Variants in GNAL observed in about 807,000 individuals in gnomAD.
GNAL encodes the protein G protein subunit alpha L, also known as guanine nucleotide-binding protein G(olf) subunit alpha.
Under a neutral mutation model 55.1 loss-of-function variants are expected in GNAL, and 18 were observed. The ratio of observed to expected loss-of-function variants is 0.33; its 90% CI spans 0.23 to 0.48. GNAL has a LOEUF of 0.48. Among genes scored for constraint, GNAL ranks in the 20% least tolerant of loss-of-function variants. The pLI, the probability that GNAL is intolerant of heterozygous loss-of-function variation, is 0.99. For synonymous variants in GNAL, 253 were observed against 237.0 expected (o/e 1.07, Z -0.62); for missense variants, 412 against 614.1 (o/e 0.67, Z 3.48).
intron 1 of GNAL, among the ~76,000 whole-genome samples, chr18:11,697,568 A>AG (rs1355475249): frequency 2.6e-5 from 4 of 151,302 alleles, no homozygotes; most frequent in African/African-American, 9.7e-5. Flanking sequence ...AGAAAAAAAA[A>AG]AGAGAGAGAG....
At chr18:11,699,663 T>C (rs1288685556) in intron 1 of GNAL, among the ~76,000 whole-genome samples, 1 of 152,052 alleles carries the variant, frequency 6.6e-6, no homozygotes, top group Non-Finnish European at 1.5e-5. Flanking sequence ...CGGGGTCAAG[T>C]GAAAACTGTT....
At chr18:11,768,842 C>A (rs1477060378) in intron 4 of GNAL, among the ~76,000 whole-genome samples, 1 of 130,436 alleles carries the variant, frequency 7.7e-6, no homozygotes, top group South Asian at 2.4e-4. Flanking sequence ...TGCAGTGAGC[C>A]GAGATCACGC....
At chr18:11,716,618 G>GC (rs2031972175) in intron 1 of GNAL, among the ~76,000 whole-genome samples, 1 of 152,122 alleles carries the variant, frequency 6.6e-6, no homozygotes, top group African/African-American at 2.4e-5. Flanking sequence ...CAATCCCTGA[G>GC]CTAGACACAA....
chr18:11,799,776 G>C (rs56819096), intron 4 of GNAL, among the ~76,000 whole-genome samples: 1 of 151,842 alleles, frequency 6.6e-6, no homozygotes, highest in Non-Finnish European at 1.5e-5. Flanking sequence ...TTTTTAAGTG[G>C]TGCTTTTAAA....
intron 1 of GNAL, among the ~76,000 whole-genome samples, chr18:11,728,272 G>C (rs1012893547): frequency 1.3e-5 from 2 of 151,998 alleles, no homozygotes; most frequent in Non-Finnish European, 2.9e-5. Flanking sequence ...GTGCAAGCAG[G>C]GGGTGGGGTG....
At position 11,868,429 on chromosome 18, in the gene GNAL, C is replaced by T. The variant is rs2036315634; in HGVS notation, c.911-114C>T. On this transcript the variant is annotated intron_variant, in intron 8 of 11. Transcript: ENST00000334049. This position sits in a 1 kb window ranked among gnomAD's most constrained non-coding sequence, Gnocchi z 4.0. The stretch of plus-strand genomic sequence containing the variant: ...GCAGGCTGTTCTGTGACTGAATAGT[C>T]CTATCACTGAATGAATGTTTTTGTG... 1 of 879,760 alleles carries T rather than the reference C, an allele frequency of 1.1e-6. No homozygotes were observed. Among genetic ancestry groups the T allele is most frequent in the East Asian group, 2.5e-5 (1 of 39,896 alleles). 54.5% of individuals were successfully genotyped at this position (879,760 alleles called of 1,614,324 possible).
chr18:11,824,398 C>T (rs142337565), intron 4 of GNAL, among the ~76,000 whole-genome samples: 17 of 152,112 alleles, frequency 1.1e-4, no homozygotes, highest in Middle Eastern at 3.4e-3. Context: ...AATGATAAAA[C>T]GATTTTGGGC....
At chr18:11,770,892 C>CT (rs1176308550) in intron 4 of GNAL, among the ~76,000 whole-genome samples, 23 of 152,034 alleles carry the variant, frequency 1.5e-4, no homozygotes, top group African/African-American at 4.8e-4. Flanking sequence ...CAGCTGACAT[C>CT]TTTAACTGCT....
At position 11,752,612 on chromosome 18, in the gene GNAL, C is replaced by G; in HGVS notation, c.377-241C>G. 6.4e-7 allele frequency: 1 copy of G among 1,564,426 alleles called. No individual in the cohort carries two copies. The highest frequency in any genetic ancestry group is 8.6e-7 in the Non-Finnish European group (1 of 1,162,068). On this transcript the variant is annotated intron_variant, in intron 1 of 11. Coordinates refer to ENST00000334049, the MANE Select transcript of GNAL (RefSeq NM_182978.4). The surrounding 1 kb of genome is among the most constrained non-coding windows in gnomAD (Gnocchi z 4.5). ...GAGGGGCGCGCGGCGGCTCCCGGCCCCAGCGGAGCGCACAGCCAGGAGCGG... is the reference window on the plus strand; with the variant it reads ...GAGGGGCGCGCGGCGGCTCCCGGCCGCAGCGGAGCGCACAGCCAGGAGCGG...
intron 1 of GNAL, among the ~76,000 whole-genome samples, chr18:11,738,540 C>T (rs1448640978): frequency 1.3e-5 from 2 of 152,076 alleles, no homozygotes; most frequent in South Asian, 2.1e-4. Flanking sequence ...CTCCACTTCC[C>T]GGATTCAAGC....
intron 1 of GNAL, among the ~76,000 whole-genome samples, chr18:11,721,381 C>A (rs912412747): frequency 6.6e-6 from 1 of 152,310 alleles, no homozygotes; most frequent in East Asian, 1.9e-4. Flanking sequence ...GATATTTTTA[C>A]CACCATCAGT....
At chr18:11,875,211 C>T (rs1338013146) in intron 10 of GNAL, among the ~76,000 whole-genome samples, 2 of 152,094 alleles carry the variant, frequency 1.3e-5, no homozygotes, top group African/African-American at 4.8e-5. Flanking sequence ...CAGTGCTGCC[C>T]CCAGGGAGGC....
chr18:11,864,922 A>G (rs2143850855), intron 7 of GNAL, among the ~76,000 whole-genome samples: 1 of 152,282 alleles, frequency 6.6e-6, no homozygotes, highest in East Asian at 1.9e-4. Flanking sequence ...GAGAACTGAA[A>G]TGAGCAGTTT....
At chr18:11,741,334 A>G (rs913749487) in intron 1 of GNAL, among the ~76,000 whole-genome samples, 4 of 152,252 alleles carry the variant, frequency 2.6e-5, no homozygotes, top group African/African-American at 9.6e-5. Flanking sequence ...TAATCATCAA[A>G]TGAGATGCTG....
In GNAL at chr18:11,801,320, G is replaced by A. The variant is rs566908568; in HGVS notation, c.625-23598G>A. ...AATAACAGCACTTTGGGAGGCCAAG[G>A]CAGGTGGATCACCTGAGGTCAGGAG... On this transcript the variant is annotated intron_variant, in intron 4 of 11. Transcript: ENST00000334049. Among the ~76,000 whole-genome samples the A allele has an allele frequency of 2.0e-5, 3 of 152,320 alleles. No individual in the cohort carries two copies. The South Asian group carries it at 6.2e-4, about 32-fold the overall frequency.
rs769080822 is a variant in GNAL, at chr18:11,880,982, C to T, written c.1231-7C>T. On this transcript the variant is annotated splice_region_variant and splice_polypyrimidine_tract_variant and intron_variant, in intron 11 of 11. Coordinates refer to ENST00000334049, the MANE Select transcript of GNAL (RefSeq NM_182978.4). ...CGCAGGGCTAGTGCACACGCTCTCT[C>T]TTGCAGAGGATCAGCACGGCCACCG... 1 of 1,613,604 alleles carries T rather than the reference C, an allele frequency of 6.2e-7. No individual in the cohort carries two copies. The highest frequency in any genetic ancestry group is 1.1e-5 in the South Asian group (1 of 90,974).
intron 1 of GNAL, chr18:11,746,643 A>G (rs896416723): frequency 8.2e-6 from 2 of 243,988 alleles, no homozygotes; most frequent in Non-Finnish European, 1.6e-5. Context: ...AGAGGGAGAA[A>G]AAGGAGAAGG....
intron 5 of GNAL, among the ~76,000 whole-genome samples, chr18:11,830,048 T>C (rs570298240): frequency 1.3e-4 from 20 of 152,210 alleles, no homozygotes; most frequent in African/African-American, 4.3e-4. Flanking sequence ...GTCGGTGCTA[T>C]CTGAAATATG....
intron 4 of GNAL, among the ~76,000 whole-genome samples, chr18:11,776,239 C>T (rs73399900): frequency 3.9e-5 from 6 of 152,016 alleles, no homozygotes; most frequent in African/African-American, 1.5e-4. Context: ...TTGGCTCTGA[C>T]GATACAAAAT....
Sources: gnomAD v4.1 joint callset for allele counts (sites outside exome capture counted in the v4.1 genomes callset) on GRCh38, gnomAD v4.1.1 for gene constraint, Gnocchi (gnomAD v3.1) non-coding constraint, MANE v1.5 for transcripts, NCBI Gene and HGNC (gene_info 2026-07-23, HGNC 2026-07-21) for gene names.